Variants in PPP1R14C observed in about 807,000 individuals in gnomAD.
PPP1R14C encodes protein phosphatase 1 regulatory inhibitor subunit 14C, also known as protein phosphatase 1 regulatory subunit 14C.
A neutral mutation model predicts 20.4 loss-of-function variants in PPP1R14C; 16 were observed. The ratio of observed to expected loss-of-function variants is 0.78; its 90% CI spans 0.53 to 1.19. PPP1R14C has a LOEUF of 1.19. Among genes scored for constraint, PPP1R14C ranks in the 50% most tolerant of loss-of-function variants. PPP1R14C has a pLI of 0.00. For synonymous variants in PPP1R14C, 91 were observed against 91.0 expected, an observed-to-expected ratio of 1.00 and a Z score of 0.00; for missense variants, 211 against 220.1, an observed-to-expected ratio of 0.96 and a Z score of 0.26.
intron 1 of PPP1R14C, among the ~76,000 whole-genome samples, chr6:150,209,482 G>T (rs976104019): frequency 6.6e-6 from 1 of 152,076 alleles, no homozygotes; most frequent in East Asian, 1.9e-4. Flanking sequence ...TGTGGAATGG[G>T]TGTATTCATG....
rs185078495 is a variant in PPP1R14C at position 150,165,452 on chromosome 6, G to C, written c.306+21954G>C. On this transcript the variant is annotated intron_variant, in intron 1 of 3. Transcript: ENST00000361131. ...CCAGTTCTGCTGGCTAAAGTCCTTG[G>C]GGAAGGCTGGTTGACCTCAGGTTGT... Among the ~76,000 whole-genome samples the C allele has an allele frequency of 9.2e-5, 14 of 152,292 alleles. 1 individual carries two copies. The East Asian group carries it at 2.5e-3, about 27-fold the overall frequency.
In PPP1R14C at chr6:150,236,613, C is replaced by CTGTGTGTGTGTGTGTG. The variant is rs142109127; in HGVS notation, c.424-12122_424-12107dup. Among the ~76,000 whole-genome samples the CTGTGTGTGTGTGTGTG allele has an allele frequency of 4.6e-3, 663 of 144,562 alleles. 7 individuals are homozygous for CTGTGTGTGTGTGTGTG. Among genetic ancestry groups the CTGTGTGTGTGTGTGTG allele is most frequent in the African/African-American group, 0.011 (425 of 38,532 alleles). The allele number at this position is 144,562 out of a possible 152,430, so 94.8% of individuals were successfully genotyped here. Reference sequence around the variant, plus strand: ...AAGCGGAGGGAGGTGGTTGGTGCCACTGTGTGTGTGTGTGTGTGTGTGTGT... The same window carrying CTGTGTGTGTGTGTGTG: ...AAGCGGAGGGAGGTGGTTGGTGCCACTGTGTGTGTGTGTGTGTGTGTGTGTGTGTGTGTGTGTGTGT... On this transcript the variant is annotated intron_variant, in intron 3 of 3. Transcript: ENST00000361131.
chr6:150,145,007 T>C (rs950486266), intron 1 of PPP1R14C, among the ~76,000 whole-genome samples: 3 of 152,118 alleles, frequency 2.0e-5, no homozygotes, highest in Non-Finnish European at 4.4e-5. Context: ...GTTTTTTTTT[T>C]CTCCATTTGG....
chr6:150,160,158 TG>T (rs1036315160), intron 1 of PPP1R14C, among the ~76,000 whole-genome samples: 156 of 152,040 alleles, frequency 1.0e-3, no homozygotes, highest in African/African-American at 3.4e-3. Flanking sequence ...CTTGAGCACC[TG>T]GCTGAGATAC....
intron 1 of PPP1R14C, among the ~76,000 whole-genome samples, chr6:150,208,099 G>GC (rs1397870649): frequency 2.6e-5 from 4 of 152,162 alleles, no homozygotes; most frequent in African/African-American, 9.7e-5. Flanking sequence ...ATGAGGGTGT[G>GC]CCCCCATGAC....
chr6:150,155,431 C>A (rs976659787), intron 1 of PPP1R14C, among the ~76,000 whole-genome samples: 1 of 152,106 alleles, frequency 6.6e-6, no homozygotes, highest in Non-Finnish European at 1.5e-5. Context: ...ATATAAGTAG[C>A]TACTCCATTT....
At chr6:150,196,641 C>T (rs1007803184) in intron 1 of PPP1R14C, among the ~76,000 whole-genome samples, 4 of 152,110 alleles carry the variant, frequency 2.6e-5, no homozygotes, top group East Asian at 1.9e-4. Flanking sequence ...TATTTGCCAC[C>T]GTTTTTCCTT....
chr6:150,194,962 G>C (rs1226640192), intron 1 of PPP1R14C: 1 of 985,204 alleles, frequency 1.0e-6, no homozygotes, highest in African/African-American at 1.7e-5. Flanking sequence ...AATTGATAAA[G>C]GCAAAAGTTA....
chr6:150,239,704 A>G (rs1057406468), intron 3 of PPP1R14C, among the ~76,000 whole-genome samples: 2 of 152,326 alleles, frequency 1.3e-5, no homozygotes, highest in Admixed American at 1.3e-4. Flanking sequence ...AACCCAAAGC[A>G]AGGTGGAGAA....
chr6:150,207,666 A>C (rs563383425), intron 1 of PPP1R14C, among the ~76,000 whole-genome samples: 99 of 152,372 alleles, frequency 6.5e-4, no homozygotes, highest in African/African-American at 2.3e-3. Context: ...ATATGTCTTA[A>C]AATGTCTATG....
chr6:150,198,798 C>A (rs1206922921), intron 1 of PPP1R14C, among the ~76,000 whole-genome samples: 1 of 152,216 alleles, frequency 6.6e-6, no homozygotes, highest in African/African-American at 2.4e-5. Context: ...CAGCCATCTG[C>A]CTCGCTCATC....
intron 1 of PPP1R14C, among the ~76,000 whole-genome samples, chr6:150,174,768 G>C (rs1777542700): frequency 6.6e-6 from 1 of 151,694 alleles, no homozygotes; most frequent in Non-Finnish European, 1.5e-5. Flanking sequence ...TTCGAGACCA[G>C]CCTGGCCAAT....
intron 3 of PPP1R14C, among the ~76,000 whole-genome samples, chr6:150,230,764 C>G (rs1778285029): frequency 6.6e-6 from 1 of 152,102 alleles, no homozygotes; most frequent in Non-Finnish European, 1.5e-5. Flanking sequence ...TCTCGTTTAG[C>G]TTTTTAAATG....
intron 1 of PPP1R14C, among the ~76,000 whole-genome samples, chr6:150,190,513 G>A (rs1338354128): frequency 1.3e-5 from 2 of 149,636 alleles, no homozygotes; most frequent in East Asian, 2.0e-4. Flanking sequence ...TGTAACCTCC[G>A]CCTCCCAGGT....
intron 1 of PPP1R14C, among the ~76,000 whole-genome samples, chr6:150,158,385 T>C (rs183107035): frequency 4.6e-5 from 7 of 152,256 alleles, no homozygotes; most frequent in Admixed American, 3.9e-4. Flanking sequence ...TTTATGACTA[T>C]AGAATAATTT....
intron 1 of PPP1R14C, among the ~76,000 whole-genome samples, chr6:150,167,353 GCAAGA>G (rs1777434196): frequency 6.6e-6 from 1 of 152,044 alleles, no homozygotes; most frequent in African/African-American, 2.4e-5. Context: ...GGGTGACAGA[GCAAGA>G]CTCCGTCTCG....
chr6:150,245,937 C>T (rs762049762), intron 3 of PPP1R14C, among the ~76,000 whole-genome samples: 7 of 152,100 alleles, frequency 4.6e-5, no homozygotes, highest in Admixed American at 2.6e-4. Context: ...TTATGCACAA[C>T]ATAGTGTATT....
At chr6:150,234,490 A>G (rs1465998813) in intron 3 of PPP1R14C, among the ~76,000 whole-genome samples, 1 of 152,234 alleles carries the variant, frequency 6.6e-6, no homozygotes, top group Non-Finnish European at 1.5e-5. Flanking sequence ...CCAAACATTT[A>G]TCAGCAGATG....
chr6:150,185,928 C>A lies in PPP1R14C; in HGVS notation c.307-28816C>A, dbSNP rs1363786981. Among the ~76,000 whole-genome samples, 1 of 152,136 alleles carries A rather than the reference C, an allele frequency of 6.6e-6. No individual in the cohort carries two copies. Among genetic ancestry groups the A allele is most frequent in the Non-Finnish European group, 1.5e-5 (1 of 68,022 alleles). On this transcript the variant is annotated intron_variant, in intron 1 of 3. Coordinates refer to ENST00000361131, the MANE Select transcript of PPP1R14C (RefSeq NM_030949.3). This position sits in a 1 kb window ranked among gnomAD's most constrained non-coding sequence, Gnocchi z 4.1. The stretch of plus-strand genomic sequence containing the variant: ...CACCTATCGGCTCCTAAAGCCTCTA[C>A]CAGGAAGTGCACACATCACTTCACA...
Sources: gnomAD v4.1 joint callset for allele counts (sites outside exome capture counted in the v4.1 genomes callset) on GRCh38, gnomAD v4.1.1 for gene constraint, Gnocchi (gnomAD v3.1) non-coding constraint, MANE v1.5 for transcripts, NCBI Gene and HGNC (gene_info 2026-07-23, HGNC 2026-07-21) for gene names.